GPATCH1: variants seen among roughly 807,000 people sequenced by gnomAD.
GPATCH1 encodes G patch domain-containing protein 1.
In GPATCH1, 73 loss-of-function variants were observed where a neutral mutation model predicts 114.9. That is an observed-to-expected ratio of 0.64 (90% CI 0.53 to 0.77). GPATCH1 has a LOEUF of 0.77. Among genes scored for constraint, GPATCH1 ranks in the 30% least tolerant of loss-of-function variants. The pLI is 0.00. For synonymous variants in GPATCH1, 391 were observed against 428.4 expected (o/e 0.91, Z 1.08); for missense variants, 1,058 against 1,144.3 (o/e 0.92, Z 1.09).
intron 8 of GPATCH1, among the ~76,000 whole-genome samples, chr19:33,100,830 T>C (rs1054121113): frequency 2.0e-5 from 3 of 152,036 alleles, no homozygotes; most frequent in African/African-American, 7.2e-5. Context: ...TACAGTTCAT[T>C]TATACGGACT....
At chr19:33,082,121 G>GAATT (rs1972485026) in intron 1 of GPATCH1, among the ~76,000 whole-genome samples, 1 of 118,154 alleles carries the variant, frequency 8.5e-6, no homozygotes, top group Non-Finnish European at 1.8e-5. Flanking sequence ...GCATGGATGG[G>GAATT]ACAGCAGTGG....
intron 3 of GPATCH1, 57 bp from the exon 4 acceptor site, chr19:33,093,302 A>G: frequency 1.8e-6 from 2 of 1,110,780 alleles, no homozygotes; most frequent in East Asian, 2.4e-5. Flanking sequence ...AAACTATGTG[A>G]TGTATTGTGT....
chr19:33,111,796 G>A lies in GPATCH1; in HGVS notation c.1658G>A (p.Arg553Gln), dbSNP rs377165973. The part of the protein sequence containing the change: ...ERGRERDEFA[R>Q]AALLYASSHS... ...GGCCGTGAGCGGGATGAGTTTGCCC[G>A]GGCGGCCCTGCTGTACGCATCTTCC... Residue 553 changes from arginine to glutamine, a missense_variant, in exon 12 of 20, where the codon CGG (arginine) becomes CAG (glutamine). Physicochemically the swap from Arg to Gln is conservative, Grantham distance 43. Around this residue, in one of 3 missense-constraint regions of GPATCH1, gnomAD observed 893 missense variants for 977.4 expected, o/e 0.91. Coordinates refer to ENST00000170564, the MANE Select transcript of GPATCH1 (RefSeq NM_018025.3). 69 of 1,614,012 alleles carry A rather than the reference G, an allele frequency of 4.3e-5. No homozygotes were observed. The African/African-American group carries it at 5.6e-4, about 13-fold the overall frequency.
intron 2 of GPATCH1, among the ~76,000 whole-genome samples, chr19:33,089,606 C>T (rs997395500): frequency 8.1e-5 from 12 of 148,308 alleles, no homozygotes; most frequent in African/African-American, 3.1e-4. Flanking sequence ...AAAAGATGGG[C>T]TAGATCTTTT....
intron 2 of GPATCH1, among the ~76,000 whole-genome samples, chr19:33,088,619 G>A (rs1299105260): frequency 6.6e-6 from 1 of 150,874 alleles, no homozygotes; most frequent in East Asian, 1.9e-4. Flanking sequence ...CAAAAGTGCT[G>A]GGATTGCAGG....
Position 33,095,804 on chromosome 19 carries a change from G to A in GPATCH1, c.596G>A (p.Ser199Asn), listed in dbSNP as rs759904011. The part of the protein sequence containing the change: ...KIYGCALPPG[S>N]SEGSEGEDDD... ...TATGGCTGTGCATTACCCCCTGGAA[G>A]CTCGGAAGGATCTGAGGTATTGCAT... Residue 199 changes from serine (S) to asparagine (N), a missense_variant, in exon 6 of 20, where the codon AGC (serine) becomes AAC (asparagine). Around this residue, in one of 3 missense-constraint regions of GPATCH1, gnomAD observed 893 missense variants for 977.4 expected, o/e 0.91. Transcript: ENST00000170564. 17 of 1,610,456 alleles carry A rather than the reference G, an allele frequency of 1.1e-5. No individual in the cohort carries two copies. The highest frequency in any genetic ancestry group is 1.7e-4 in the Middle Eastern group (1 of 6,056).
At chr19:33,090,570 T>C (rs752381955) in intron 2 of GPATCH1, among the ~76,000 whole-genome samples, 5 of 152,178 alleles carry the variant, frequency 3.3e-5, no homozygotes, top group Non-Finnish European at 5.9e-5. Flanking sequence ...TGGGGAAACC[T>C]TAATGTATCC....
At chr19:33,090,211 G>A (rs1972578768) in intron 2 of GPATCH1, among the ~76,000 whole-genome samples, 1 of 152,340 alleles carries the variant, frequency 6.6e-6, no homozygotes, top group South Asian at 2.1e-4. Context: ...CAGGATTCCA[G>A]TGTCTGTTGA....
rs186897747 is a variant in GPATCH1, at chr19:33,097,344, G to T, written c.853-411G>T. Among the ~76,000 whole-genome samples the T allele has an allele frequency of 4.6e-5, 7 of 152,326 alleles. No homozygotes were observed. The East Asian group carries it at 1.3e-3, about 29-fold the overall frequency. On this transcript the variant is annotated intron_variant, in intron 7 of 19. Coordinates refer to ENST00000170564, the MANE Select transcript of GPATCH1 (RefSeq NM_018025.3). Reference sequence around the variant, plus strand: ...GCAGAGAGTAGGAGTTCTTCCAGCGGGCAGTAGAGTAGCAGCGGCCCTTAG... The same window carrying T: ...GCAGAGAGTAGGAGTTCTTCCAGCGTGCAGTAGAGTAGCAGCGGCCCTTAG...
At chr19:33,110,430 G>A (rs1378435435) in intron 11 of GPATCH1, among the ~76,000 whole-genome samples, 3 of 152,124 alleles carry the variant, frequency 2.0e-5, no homozygotes, top group Non-Finnish European at 2.9e-5. Flanking sequence ...CTATTGAACC[G>A]TTACAGAGGG....
At chr19:33,111,954 C>A in intron 12 of GPATCH1, 52 bp downstream of exon 12, 2 of 1,383,652 alleles carry the variant, frequency 1.4e-6, no homozygotes, top group Non-Finnish European at 2.0e-6. Context: ...TAAAGCACTG[C>A]CTAGCCAAAA....
chr19:33,111,838 C>G lies in GPATCH1; in HGVS notation c.1700C>G (p.Ser567Cys). The change falls in exon 12 of 20, where the codon TCC becomes TGC. Residue 567 changes from serine (S) to cysteine (C), a missense_variant. By Grantham distance (112) the Ser-to-Cys change is moderately radical (BLOSUM62 -1). Around this residue, in one of 3 missense-constraint regions of GPATCH1, gnomAD observed 893 missense variants for 977.4 expected, o/e 0.91. Transcript: ENST00000170564. ...LYASSHSTLS[S>C]RFTHAKEEDD... ...GCATCTTCCCATTCGACCTTGTCCT[C>G]CAGGTTCACTCACGCCAAGGAGGAG... 2.5e-6 allele frequency: 4 copies of G among 1,614,142 alleles called. No individual in the cohort carries two copies. The highest frequency in any genetic ancestry group is 2.5e-6 in the Non-Finnish European group (3 of 1,179,980).
intron 2 of GPATCH1, among the ~76,000 whole-genome samples, chr19:33,089,090 C>T (rs1363325936): frequency 6.6e-6 from 1 of 152,136 alleles, no homozygotes. Context: ...AAATGCATAC[C>T]TCCTAATCAG....
intron 7 of GPATCH1, among the ~76,000 whole-genome samples, chr19:33,097,233 T>G (rs1034102894): frequency 6.6e-6 from 1 of 152,204 alleles, no homozygotes; most frequent in South Asian, 2.1e-4. Context: ...CGTGAGCCAC[T>G]GCGCCCGGCC....
At chr19:33,113,237 T>A (rs1017138961) in intron 13 of GPATCH1, 3 of 156,028 alleles carry the variant, frequency 1.9e-5, no homozygotes, top group Non-Finnish European at 2.8e-5. Context: ...GGTCAGGAGT[T>A]CAAGACCAGC....
At chr19:33,095,738 T>C in intron 5 of GPATCH1, 24 bp from the exon 6 acceptor site, 1 of 1,563,970 alleles carries the variant, frequency 6.4e-7, no homozygotes. Context: ...CTCATGACTA[T>C]TGCATTTGAA....
chr19:33,108,352 T>A (rs1365764187), intron 10 of GPATCH1, among the ~76,000 whole-genome samples: 2 of 152,196 alleles, frequency 1.3e-5, no homozygotes, highest in African/African-American at 4.8e-5. Context: ...CCTTTCAGGC[T>A]GCACCATCCA....
At chr19:33,111,444 C>T (rs746407822) in intron 11 of GPATCH1, among the ~76,000 whole-genome samples, 3 of 151,184 alleles carry the variant, frequency 2.0e-5, no homozygotes, top group Admixed American at 6.6e-5. Flanking sequence ...AGGCTGGTCC[C>T]GAACTCCTGA....
intron 9 of GPATCH1, among the ~76,000 whole-genome samples, chr19:33,104,876 C>T (rs1299232080): frequency 6.6e-6 from 1 of 152,046 alleles, no homozygotes; most frequent in East Asian, 1.9e-4. Flanking sequence ...AAATAACAAA[C>T]ACGTGTGGAT....
Sources: gnomAD v4.1 joint callset for allele counts (sites outside exome capture counted in the v4.1 genomes callset) on GRCh38, gnomAD v4.1.1 for gene constraint, gnomAD v4.1.1 regional missense constraint, MANE v1.5 for transcripts, NCBI Gene and HGNC (gene_info 2026-07-23, HGNC 2026-07-21) for gene names.